Variants in ELP4 observed in about 807,000 individuals in gnomAD.
The protein encoded by ELP4 is elongator acetyltransferase complex subunit 4.
A neutral mutation model predicts 48.9 loss-of-function variants in ELP4; 51 were observed. That is an observed-to-expected ratio of 1.04 (90% CI 0.83 to 1.32). The LOEUF (loss-of-function observed/expected upper bound fraction) is 1.32. Ranked by LOEUF, ELP4 falls within the 40% of genes most tolerant of loss-of-function variation. The probability of loss-of-function intolerance (pLI) is 0.00; values close to 1 mark genes in which losing one functional copy is unlikely to be tolerated. For synonymous variants in ELP4, 210 were observed against 189.2 expected (o/e 1.11, Z -0.90); for missense variants, 519 against 514.6 (o/e 1.01, Z -0.08).
chr11:31,789,708 A>G lies in ELP4; in HGVS notation c.*6184A>G, dbSNP rs753595935. The stretch of plus-strand genomic sequence containing the variant: ...CACCAAAATGAATAAAAGTTTGGAT[A>G]CCAAAATGAAGATTTGTTCCAACTG... On this transcript the variant is annotated 3_prime_UTR_variant, in exon 10 of 10. Transcript: ENST00000640961. 5.7e-6 allele frequency: 4 copies of G among 703,404 alleles called. No individual in the cohort carries two copies. Among genetic ancestry groups the G allele is most frequent in the Non-Finnish European group, 1.0e-5 (4 of 385,094 alleles). 43.6% of individuals were successfully genotyped at this position (703,404 alleles called of 1,614,324 possible).
At chr11:31,746,016 A>T (rs1033804462) in intron 9 of ELP4, among the ~76,000 whole-genome samples, 2 of 152,216 alleles carry the variant, frequency 1.3e-5, no homozygotes, top group Non-Finnish European at 2.9e-5. Flanking sequence ...GATATCCAGA[A>T]TCTACAATGA....
intron 4 of ELP4, chr11:31,600,011 A>T (rs1014512404): frequency 5.9e-5 from 9 of 152,208 alleles, no homozygotes; most frequent in Non-Finnish European, 8.8e-5. Context: ...TTAAATAAAT[A>T]GTTCAAAAGT....
At chr11:31,752,562 C>T (rs913456189) in intron 9 of ELP4, among the ~76,000 whole-genome samples, 2 of 152,034 alleles carry the variant, frequency 1.3e-5, no homozygotes, top group East Asian at 1.9e-4. Context: ...AGGCCGGGTG[C>T]GGTGGCTCAC....
At chr11:31,614,139 T>C (rs957068869) in intron 5 of ELP4, among the ~76,000 whole-genome samples, 1 of 152,176 alleles carries the variant, frequency 6.6e-6, no homozygotes, top group African/African-American at 2.4e-5. Flanking sequence ...GTTAAAGAGA[T>C]AAATATAATA....
Position 31,790,030 on chromosome 11 carries a change from A to G in ELP4, c.*6506A>G, listed in dbSNP as rs1949265741. ...CAGGGGAAATGAGTCCTAGAAGTGG[A>G]TGAAAGAAATAGCCATGTAGATATT... is the stretch of plus-strand genomic sequence containing the variant. On this transcript the variant is annotated 3_prime_UTR_variant, in exon 10 of 10. Coordinates refer to ENST00000640961, the MANE Select transcript of ELP4 (RefSeq NM_019040.5). The G allele has an allele frequency of 2.0e-6, 3 of 1,516,564 alleles. No individual in the cohort carries two copies. The highest frequency in any genetic ancestry group is 1.5e-5 in the African/African-American group (1 of 67,708). 93.9% of individuals were successfully genotyped at this position (1,516,564 alleles called of 1,614,324 possible).
intron 9 of ELP4, among the ~76,000 whole-genome samples, chr11:31,777,292 G>A (rs542555260): frequency 1.3e-5 from 2 of 152,016 alleles, no homozygotes; most frequent in African/African-American, 4.8e-5. Context: ...GACCCTGAAA[G>A]GAAATCTGTC....
At chr11:31,580,742 CT>C (rs1267608330) in intron 3 of ELP4, 1 of 152,730 alleles carries the variant, frequency 6.5e-6, no homozygotes, top group Non-Finnish European at 1.5e-5. Context: ...ACTGCAGCCC[CT>C]GCCTCCAGGA....
intron 9 of ELP4, among the ~76,000 whole-genome samples, chr11:31,694,716 A>C (rs184578455): frequency 6.6e-6 from 1 of 152,084 alleles, no homozygotes; most frequent in Non-Finnish European, 1.5e-5. Context: ...TTGGTAGCTT[A>C]ATGGGGATGG....
intron 7 of ELP4, among the ~76,000 whole-genome samples, chr11:31,640,836 C>G (rs772056741): frequency 1.3e-4 from 20 of 151,926 alleles, no homozygotes; most frequent in Admixed American, 3.3e-4. Flanking sequence ...AGTAGAGCCA[C>G]TGTAAGAAAG....
At chr11:31,586,778 G>A (rs1203652620) in intron 3 of ELP4, among the ~76,000 whole-genome samples, 2 of 151,938 alleles carry the variant, frequency 1.3e-5, no homozygotes, top group Non-Finnish European at 2.9e-5. Flanking sequence ...GAGTAGCTGG[G>A]ACTACAGGCA....
At chr11:31,755,441 A>G (rs1260150138) in intron 9 of ELP4, among the ~76,000 whole-genome samples, 1 of 152,238 alleles carries the variant, frequency 6.6e-6, no homozygotes, top group Non-Finnish European at 1.5e-5. Flanking sequence ...AAAATAGTCA[A>G]GGTAAACAGC....
chr11:31,701,829 C>A (rs939724730), intron 9 of ELP4, among the ~76,000 whole-genome samples: 4 of 151,476 alleles, frequency 2.6e-5, no homozygotes, highest in African/African-American at 9.7e-5. Context: ...TCAGTAAAGA[C>A]AACATTTTTT....
chr11:31,697,049 C>T (rs962583671), intron 9 of ELP4, among the ~76,000 whole-genome samples: 1 of 151,932 alleles, frequency 6.6e-6, no homozygotes, highest in Admixed American at 6.6e-5. Context: ...CAACAAAAAT[C>T]AAAAGAGACA....
At chr11:31,567,509 G>A (rs1957132018) in intron 3 of ELP4, among the ~76,000 whole-genome samples, 1 of 152,136 alleles carries the variant, frequency 6.6e-6, no homozygotes, top group East Asian at 1.9e-4. Flanking sequence ...TCTGCTTCCA[G>A]GCTGACAGTT....
chr11:31,706,878 C>T, intron 9 of ELP4: 1 of 394,180 alleles, frequency 2.5e-6, no homozygotes, highest in Non-Finnish European at 4.5e-6. Context: ...ATAATGTCCT[C>T]CAGTTCCATC....
intron 3 of ELP4, among the ~76,000 whole-genome samples, chr11:31,591,133 C>T (rs145679901): frequency 6.6e-6 from 1 of 152,142 alleles, no homozygotes; most frequent in East Asian, 1.9e-4. Flanking sequence ...AAGGGCCAGA[C>T]ACAGTGCTCA....
Position 31,531,856 on chromosome 11 carries a change from A to G in ELP4, c.260-7806A>G, listed in dbSNP as rs144307907. On this transcript the variant is annotated intron_variant, in intron 2 of 9. Transcript: ENST00000640961. The stretch of plus-strand genomic sequence containing the variant: ...AGTAAGGTTAGAGATACAGGGACCA[A>G]TTGGGAGGCTGATAGTGAGAGGTAA... Among the ~76,000 whole-genome samples the G allele has an allele frequency of 2.4e-3, 361 of 152,248 alleles. 4 individuals carry two copies. The highest frequency in any genetic ancestry group is 8.3e-3 in the African/African-American group (345 of 41,548).
intron 9 of ELP4, among the ~76,000 whole-genome samples, chr11:31,735,382 TA>T (rs1414953407): frequency 6.6e-6 from 1 of 151,894 alleles, no homozygotes; most frequent in East Asian, 1.9e-4. Context: ...CTTTAAAAAA[TA>T]AAAGCTTCTC....
At position 31,789,277 on chromosome 11, in the gene ELP4, A is replaced by G. The variant is rs1166751427; in HGVS notation, c.*5753A>G. ...ACAAATACTTACATTTTGACATAAA[A>G]CAAATTGGATTATATCGAAGACACA... On this transcript the variant is annotated 3_prime_UTR_variant, in exon 10 of 10. Coordinates refer to ENST00000640961, the MANE Select transcript of ELP4 (RefSeq NM_019040.5). The G allele has an allele frequency of 1.3e-5, 3 of 222,664 alleles. No individual in the cohort carries two copies. Among genetic ancestry groups the G allele is most frequent in the African/African-American group, 6.7e-5 (3 of 44,810 alleles). 13.8% of individuals were successfully genotyped at this position (222,664 alleles called of 1,614,324 possible). A position where few individuals can be genotyped will look rare whatever the true frequency, so the allele number is the denominator to read the frequency against.
Sources: allele counts gnomAD v4.1 joint callset (sites outside exome capture counted in the v4.1 genomes callset), GRCh38; gene constraint gnomAD v4.1.1; transcripts MANE v1.5; gene names NCBI Gene and HGNC (gene_info 2026-07-23, HGNC 2026-07-21).